The following TRHDE variants were observed in gnomAD, a reference collection of about 807,000 sequenced individuals.
TRHDE encodes thyrotropin releasing hormone degrading enzyme, also known as thyrotropin-releasing hormone-degrading ectoenzyme.
TRHDE carries 72 observed loss-of-function variants against 125.7 expected under a neutral mutation model. That is an observed-to-expected ratio of 0.57 (90% CI 0.47 to 0.70). The LOEUF (loss-of-function observed/expected upper bound fraction) is 0.70. Among genes scored for constraint, TRHDE ranks in the 30% least tolerant of loss-of-function variants. The pLI is 0.00. For synonymous variants in TRHDE, 509 were observed against 509.1 expected, an observed-to-expected ratio of 1.00 and a Z score of 0.00; for missense variants, 1,110 against 1,327.1, an observed-to-expected ratio of 0.84 and a Z score of 2.54.
At chr12:72,175,265 T>C (rs765074964) in intron 2 of TRHDE, among the ~76,000 whole-genome samples, 14 of 152,230 alleles carry the variant, frequency 9.2e-5, no homozygotes, top group Non-Finnish European at 1.9e-4. Context: ...CTTCTGTGAC[T>C]GACTTTTTTC....
chr12:72,219,390 C>T (rs1877958945), intron 2 of TRHDE, among the ~76,000 whole-genome samples: 1 of 152,072 alleles, frequency 6.6e-6, no homozygotes, highest in African/African-American at 2.4e-5. Flanking sequence ...TGTTTTTGTT[C>T]TCATGAAACC....
chr12:72,265,818 A>G (rs1879054684), intron 2 of TRHDE, among the ~76,000 whole-genome samples: 1 of 151,986 alleles, frequency 6.6e-6, no homozygotes, highest in Admixed American at 6.6e-5. Context: ...GCAAAACTAT[A>G]TATATTTTAT....
At chr12:72,437,535 T>C (rs1375694412) in intron 3 of TRHDE, among the ~76,000 whole-genome samples, 1 of 151,868 alleles carries the variant, frequency 6.6e-6, no homozygotes, top group Non-Finnish European at 1.5e-5. Context: ...ACTACTATTG[T>C]CATTTTCAGC....
chr12:72,538,598 T>C (rs935420551), intron 6 of TRHDE, among the ~76,000 whole-genome samples: 5 of 152,008 alleles, frequency 3.3e-5, no homozygotes, highest in Admixed American at 2.0e-4. Flanking sequence ...AACTTTCCAC[T>C]CAATTTTATT....
chr12:72,597,089 A>C (rs1387337556), intron 12 of TRHDE, among the ~76,000 whole-genome samples: 3 of 152,174 alleles, frequency 2.0e-5, no homozygotes, highest in African/African-American at 7.2e-5. Flanking sequence ...TATGTGATCC[A>C]GTTTTAACCA....
intron 2 of TRHDE, among the ~76,000 whole-genome samples, chr12:72,331,048 T>G (rs1292291170): frequency 6.6e-6 from 1 of 152,202 alleles, no homozygotes; most frequent in African/African-American, 2.4e-5. Context: ...TCTGTGGTAA[T>G]AGTAACAATA....
At chr12:72,638,913 C>G (rs1211795928) in intron 15 of TRHDE, among the ~76,000 whole-genome samples, 1 of 150,062 alleles carries the variant, frequency 6.7e-6, no homozygotes, top group Non-Finnish European at 1.5e-5. Context: ...GGTAACCCGA[C>G]CTTCCTCTCT....
intron 5 of TRHDE, among the ~76,000 whole-genome samples, chr12:72,495,155 A>AC (rs941402308): frequency 1.4e-5 from 2 of 147,922 alleles, no homozygotes; most frequent in African/African-American, 5.0e-5. Context: ...GACTAAGGGA[A>AC]CCAAGGCATC....
chr12:72,229,668 T>C (rs1878208815), intron 2 of TRHDE, among the ~76,000 whole-genome samples: 1 of 152,230 alleles, frequency 6.6e-6, no homozygotes, highest in Non-Finnish European at 1.5e-5. Flanking sequence ...AATCATTTGC[T>C]TAATGCCTTA....
At chr12:72,110,336 T>A (rs1455106425) in intron 2 of TRHDE, among the ~76,000 whole-genome samples, 3 of 152,106 alleles carry the variant, frequency 2.0e-5, no homozygotes, top group Non-Finnish European at 4.4e-5. Context: ...AGATAAGGCC[T>A]CCCTTTACAA....
intron 5 of TRHDE, among the ~76,000 whole-genome samples, chr12:72,475,139 T>C (rs2135905004): frequency 6.6e-6 from 1 of 152,302 alleles, no homozygotes; most frequent in South Asian, 2.1e-4. Context: ...CAACATTATA[T>C]TATTGGAAGT....
At chr12:72,129,224 A>C (rs188603213) in intron 2 of TRHDE, among the ~76,000 whole-genome samples, 14 of 152,344 alleles carry the variant, frequency 9.2e-5, no homozygotes, top group Admixed American at 5.9e-4. Context: ...AGCTAAAAAA[A>C]TTTATCACCA....
intron 2 of TRHDE, among the ~76,000 whole-genome samples, chr12:72,228,737 A>G (rs1460441661): frequency 6.6e-6 from 1 of 152,188 alleles, no homozygotes; most frequent in Non-Finnish European, 1.5e-5. Context: ...GCTTTTAACA[A>G]TATCCAAGTC....
intron 2 of TRHDE, among the ~76,000 whole-genome samples, chr12:72,342,414 G>A (rs1052387435): frequency 6.6e-6 from 1 of 152,066 alleles, no homozygotes; most frequent in Non-Finnish European, 1.5e-5. Context: ...AGAAGAGGGA[G>A]ATTCCTGGTA....
At chr12:72,224,133 TC>T (rs1440539340) in intron 2 of TRHDE, among the ~76,000 whole-genome samples, 1 of 49,986 alleles carries the variant, frequency 2.0e-5, no homozygotes, top group African/African-American at 8.6e-5. Flanking sequence ...TATCTATCTA[TC>T]TATCTATTTA....
At chr12:72,498,734 A>C (rs1029028437) in intron 5 of TRHDE, among the ~76,000 whole-genome samples, 1 of 152,196 alleles carries the variant, frequency 6.6e-6, no homozygotes, top group Non-Finnish European at 1.5e-5. Context: ...TTAACATAGC[A>C]AATCAGCTTT....
At chr12:72,263,949 T>A (rs1272686166) in intron 2 of TRHDE, 3 of 152,010 alleles carry the variant, frequency 2.0e-5, no homozygotes, top group Non-Finnish European at 4.4e-5. Flanking sequence ...CAGGAGGAGT[T>A]CAGATACAAA....
intron 1 of TRHDE, among the ~76,000 whole-genome samples, chr12:72,275,720 G>A (rs1183716368): frequency 6.6e-6 from 1 of 152,146 alleles, no homozygotes; most frequent in Non-Finnish European, 1.5e-5. Flanking sequence ...CAAATTAACA[G>A]GACTCTTAAA....
chr12:72,378,448 G>A (rs1871998458), intron 3 of TRHDE, among the ~76,000 whole-genome samples: 1 of 152,136 alleles, frequency 6.6e-6, no homozygotes, highest in African/African-American at 2.4e-5. Context: ...TACCATGAGG[G>A]TAGGTACAAC....
Sources: allele counts gnomAD v4.1 joint callset (sites outside exome capture counted in the v4.1 genomes callset), GRCh38; gene constraint gnomAD v4.1.1; transcripts MANE v1.5; gene names NCBI Gene and HGNC (gene_info 2026-07-23, HGNC 2026-07-21).